The following NLGN1 variants were observed in gnomAD, a reference collection of about 807,000 sequenced individuals.
NLGN1 encodes neuroligin 1, also known as neuroligin-1.
NLGN1 carries 12 observed loss-of-function variants against 65.5 expected under a neutral mutation model. The observed-to-expected ratio is 0.18, with a 90% confidence interval of 0.12 to 0.30. The LOEUF is 0.30. Among genes scored for constraint, NLGN1 ranks in the 10% least tolerant of loss-of-function variants. The pLI is 1.00. For synonymous variants in NLGN1, 350 were observed against 359.5 expected (o/e 0.97, Z 0.30); for missense variants, 750 against 1,007.1 (o/e 0.74, Z 3.46).
chr3:174,049,691 C>G (rs1195247513), intron 4 of NLGN1, among the ~76,000 whole-genome samples: 2 of 152,068 alleles, frequency 1.3e-5, no homozygotes, highest in Non-Finnish European at 2.9e-5. Flanking sequence ...ATGCATATTT[C>G]TCCAAAGTAA....
At chr3:174,146,660 C>T (rs969175392) in intron 4 of NLGN1, among the ~76,000 whole-genome samples, 1 of 151,376 alleles carries the variant, frequency 6.6e-6, no homozygotes, top group Non-Finnish European at 1.5e-5. Flanking sequence ...CTCCGCCTCC[C>T]GGGTCAAAGC....
intron 4 of NLGN1, among the ~76,000 whole-genome samples, chr3:173,873,498 G>A (rs977351269): frequency 2.0e-5 from 3 of 152,146 alleles, no homozygotes; most frequent in Admixed American, 6.6e-5. Flanking sequence ...TAAATAGAAA[G>A]CATTTAAAAG....
intron 3 of NLGN1, among the ~76,000 whole-genome samples, chr3:173,613,713 G>A (rs1752643704): frequency 6.6e-6 from 1 of 151,944 alleles, no homozygotes. Flanking sequence ...CTAATTCTTT[G>A]TTTACTATAA....
At chr3:174,064,164 A>G (rs1050382123) in intron 4 of NLGN1, among the ~76,000 whole-genome samples, 4 of 152,092 alleles carry the variant, frequency 2.6e-5, no homozygotes, top group African/African-American at 4.8e-5. Context: ...ACAACAAAAA[A>G]CAATAGCAAC....
At chr3:173,917,841 TTGTGTGTG>T (rs145802137) in intron 4 of NLGN1, among the ~76,000 whole-genome samples, 1 of 146,402 alleles carries the variant, frequency 6.8e-6, no homozygotes, top group Non-Finnish European at 1.5e-5. Context: ...CAAAGCAACA[TTGTGTGTG>T]TGTGTGTGTG....
At position 173,819,773 on chromosome 3, in the gene NLGN1, A is replaced by G. The variant is rs186480166; in HGVS notation, c.646+11941A>G. Among the ~76,000 whole-genome samples, 213 of 152,318 alleles carry G rather than the reference A, an allele frequency of 1.4e-3. 2 individuals are homozygous for G. The highest frequency in any genetic ancestry group is 2.4e-3 in the Non-Finnish European group (163 of 68,014). On this transcript the variant is annotated intron_variant, in intron 4 of 6. Transcript: ENST00000457714. ...AAATTAAAAAATATCTGGTTTTCCAATTTTATTAAGACAACAGACTGCTCT... is the reference window on the plus strand; with the variant it reads ...AAATTAAAAAATATCTGGTTTTCCAGTTTTATTAAGACAACAGACTGCTCT...
chr3:173,883,901 A>G (rs975059812), intron 4 of NLGN1, among the ~76,000 whole-genome samples: 3 of 150,870 alleles, frequency 2.0e-5, no homozygotes, highest in African/African-American at 7.3e-5. Flanking sequence ...TAGAGACACA[A>G]TCACACTGAT....
intron 4 of NLGN1, among the ~76,000 whole-genome samples, chr3:174,124,000 G>A (rs1441409660): frequency 6.6e-6 from 1 of 152,002 alleles, no homozygotes; most frequent in Non-Finnish European, 1.5e-5. Flanking sequence ...GGGTCTTTAG[G>A]AGATAATTAA....
intron 1 of NLGN1, among the ~76,000 whole-genome samples, chr3:173,412,538 A>G (rs1401483971): frequency 1.7e-5 from 2 of 120,452 alleles, no homozygotes; most frequent in Non-Finnish European, 3.7e-5. Flanking sequence ...AGTCAAATGC[A>G]TAAAGTTCTG....
chr3:173,411,367 C>T (rs944278999), intron 1 of NLGN1, among the ~76,000 whole-genome samples: 1 of 152,176 alleles, frequency 6.6e-6, no homozygotes, highest in South Asian at 2.1e-4. Context: ...TTGCCAGCTT[C>T]CTTCACCACT....
chr3:173,734,017 A>C (rs752059831), intron 3 of NLGN1, among the ~76,000 whole-genome samples: 1 of 152,108 alleles, frequency 6.6e-6, no homozygotes, highest in South Asian at 2.1e-4. Context: ...ATCTAGTGTT[A>C]CTTCTTTCTG....
intron 3 of NLGN1, among the ~76,000 whole-genome samples, chr3:173,702,273 A>C (rs1335694810): frequency 3.3e-5 from 5 of 151,892 alleles, no homozygotes; most frequent in African/African-American, 9.7e-5. Flanking sequence ...TTTCAAGTGT[A>C]ATAAGAAATG....
At chr3:173,553,022 A>G (rs1437792590) in intron 2 of NLGN1, among the ~76,000 whole-genome samples, 1 of 152,164 alleles carries the variant, frequency 6.6e-6, no homozygotes, top group Non-Finnish European at 1.5e-5. Flanking sequence ...ATCAAGTACT[A>G]TGTTTTAGTA....
chr3:173,626,818 A>G (rs150496949), intron 3 of NLGN1, among the ~76,000 whole-genome samples: 113 of 152,186 alleles, frequency 7.4e-4, no homozygotes, highest in African/African-American at 2.7e-3. Context: ...AAAATAGATT[A>G]TTATAACTGG....
rs1439677340 is a variant in NLGN1, at chr3:174,124,602, TATATACGTATATATACGTATACAC to T, written c.647-150697_647-150674del. Among the ~76,000 whole-genome samples, 369 of 86,350 alleles carry T rather than the reference TATATACGTATATATACGTATACAC, an allele frequency of 4.3e-3. 5 individuals are homozygous for T. The highest frequency in any genetic ancestry group is 5.4e-3 in the Middle Eastern group (1 of 184). 56.6% of individuals were successfully genotyped at this position (86,350 alleles called of 152,430 possible). On this transcript the variant is annotated intron_variant, in intron 4 of 6. Coordinates refer to ENST00000457714, the Ensembl canonical transcript of NLGN1. ...ATATATACGTATATATACGTATACA[TATATACGTATATATACGTATACAC>T]ATATACGTATATATATAAGTACATA...
At chr3:173,830,424 G>A (rs1280985282) in intron 4 of NLGN1, among the ~76,000 whole-genome samples, 1 of 152,136 alleles carries the variant, frequency 6.6e-6, no homozygotes, top group Admixed American at 6.5e-5. Flanking sequence ...GTGCACAACA[G>A]GCAAGTTATT....
intron 4 of NLGN1, among the ~76,000 whole-genome samples, chr3:173,941,680 A>G (rs1040617236): frequency 6.6e-6 from 1 of 151,962 alleles, no homozygotes; most frequent in East Asian, 1.9e-4. Context: ...AATTAAAAAT[A>G]TGTATATATA....
At chr3:174,084,217 T>C (rs74503613) in intron 4 of NLGN1, among the ~76,000 whole-genome samples, 8,465 of 152,182 alleles carry the variant, frequency 0.056, 321 homozygotes, top group South Asian at 0.12. Context: ...AATACAGAAA[T>C]TCTAAATCAC....
chr3:173,725,261 T>G (rs1299194758), intron 3 of NLGN1, among the ~76,000 whole-genome samples: 1 of 152,192 alleles, frequency 6.6e-6, no homozygotes, highest in African/African-American at 2.4e-5. Flanking sequence ...TATGTATTAT[T>G]TAATGTAACT....
Sources: allele counts gnomAD v4.1 joint callset (sites outside exome capture counted in the v4.1 genomes callset), GRCh38; gene constraint gnomAD v4.1.1; transcripts MANE v1.5; gene names NCBI Gene and HGNC (gene_info 2026-07-23, HGNC 2026-07-21).